Variants in PDC observed in about 807,000 individuals in gnomAD.
The protein encoded by PDC is phosducin.
PDC carries 19 observed loss-of-function variants against 22.2 expected under a neutral mutation model. The ratio of observed to expected loss-of-function variants is 0.86; its 90% confidence interval spans 0.60 to 1.26. The LOEUF (loss-of-function observed/expected upper bound fraction) is 1.26, where lower values mean the gene tolerates loss of function less well. Among genes scored for constraint, PDC ranks in the 50% most tolerant of loss-of-function variants. The probability of loss-of-function intolerance (pLI) is 0.00; values close to 1 mark genes in which losing one functional copy is unlikely to be tolerated. For missense variants in PDC, 274 were observed against 286.8 expected, an observed-to-expected ratio of 0.96 and a Z score of 0.32; for synonymous variants, 97 against 96.2, an observed-to-expected ratio of 1.01 and a Z score of -0.05.
chr1:186,444,229 A>C lies in PDC; in HGVS notation c.491T>G (p.Ile164Arg), dbSNP rs143253023. ...AGCTTTTATTTTACAAAACTTAACT[A>C]TAGGGTATTCTGCTGCAAGGCATGT... ...SLTCLAAEYPIVKFCKIKASN... is the reference protein window; with the variant it reads ...SLTCLAAEYPRVKFCKIKASN... Residue 164 changes from isoleucine (I) to arginine (R), a missense_variant, in exon 4 of 4, where the codon ATA becomes AGA. Physicochemically the swap from Ile to Arg is moderately conservative, Grantham distance 97. Coordinates refer to ENST00000391997, the MANE Select transcript of PDC (RefSeq NM_002597.5). 3 of 1,613,966 alleles carry C rather than the reference A, an allele frequency of 1.9e-6. No individual in the cohort carries two copies. Among genetic ancestry groups the C allele is most frequent in the Admixed American group, 1.7e-5 (1 of 59,990 alleles).
chr1:186,456,622 T>A (rs1344690257), intron 1 of PDC, among the ~76,000 whole-genome samples: 1 of 152,192 alleles, frequency 6.6e-6, no homozygotes, highest in African/African-American at 2.4e-5. Context: ...AGTAAGATTG[T>A]TTTTTGTTTT....
intron 1 of PDC, among the ~76,000 whole-genome samples, chr1:186,452,709 G>A (rs916239545): frequency 6.6e-6 from 1 of 152,090 alleles, no homozygotes; most frequent in Non-Finnish European, 1.5e-5. Flanking sequence ...TTATTTCATG[G>A]TTAAAAGATT....
Position 186,449,474 on chromosome 1 carries a change from T to A in PDC, c.-15A>T. 6.5e-7 allele frequency: 1 copy of A among 1,546,570 alleles called. No individual in the cohort carries two copies. Among genetic ancestry groups the A allele is most frequent in the Non-Finnish European group, 8.9e-7 (1 of 1,122,076 alleles). On this transcript the variant is annotated 5_prime_UTR_variant, in exon 2 of 4. Coordinates refer to ENST00000391997, the MANE Select transcript of PDC (RefSeq NM_002597.5). ...GCTTCTTCCATTTTAGGGACTGGATTTGATATAATCTATAGGAGGAACAAA... is the reference window on the plus strand; with the variant it reads ...GCTTCTTCCATTTTAGGGACTGGATATGATATAATCTATAGGAGGAACAAA...
rs1471697793 is a variant in PDC at position 186,444,241 on chromosome 1, G to C, written c.479C>G (p.Ala160Gly). 1 of 1,614,056 alleles carries C rather than the reference G, an allele frequency of 6.2e-7. No individual in the cohort carries two copies. The highest frequency in any genetic ancestry group is 1.3e-5 in the African/African-American group (1 of 75,044). Reference protein sequence around the residue: ...ALNSSLTCLAAEYPIVKFCKI... With the variant: ...ALNSSLTCLAGEYPIVKFCKI... ...ACAAAACTTAACTATAGGGTATTCTGCTGCAAGGCATGTTAAACTACTGTT... is the reference window on the plus strand; with the variant it reads ...ACAAAACTTAACTATAGGGTATTCTCCTGCAAGGCATGTTAAACTACTGTT... Residue 160 changes from alanine to glycine, a missense_variant, in exon 4 of 4, where the codon GCA becomes GGA. Coordinates refer to ENST00000391997, the MANE Select transcript of PDC (RefSeq NM_002597.5).
intron 1 of PDC, among the ~76,000 whole-genome samples, chr1:186,458,226 C>CTTTTTTTTTTTT (rs1157926478): frequency 5.7e-5 from 5 of 88,394 alleles, no homozygotes; most frequent in African/African-American, 2.3e-4. Flanking sequence ...TACAGATATT[C>CTTTTTTTTTTTT]TTTTTTTTTT....
chr1:186,455,421 CT>C (rs1026041151), intron 1 of PDC, among the ~76,000 whole-genome samples: 1 of 152,156 alleles, frequency 6.6e-6, no homozygotes, highest in African/African-American at 2.4e-5. Context: ...CTGGTTCTGA[CT>C]TTTGCAAAGA....
At chr1:186,456,047 A>G (rs1390267279) in intron 1 of PDC, among the ~76,000 whole-genome samples, 1 of 139,696 alleles carries the variant, frequency 7.2e-6, no homozygotes, top group Non-Finnish European at 1.5e-5. Flanking sequence ...ATTCCTCTGC[A>G]TGTTAGGCAA....
rs139059376 is a variant in PDC, at chr1:186,454,274, G to C, written c.-24-4791C>G. Among the ~76,000 whole-genome samples the C allele has an allele frequency of 1.2e-4, 17 of 145,176 alleles. No homozygotes were observed. In the East Asian group the frequency reaches 3.5e-3, roughly 30 times the overall value. On this transcript the variant is annotated intron_variant, in intron 1 of 3. Coordinates refer to ENST00000391997, the MANE Select transcript of PDC (RefSeq NM_002597.5). ...TGCTACTTCTGCCTCCCGGGTCCCT[G>C]TTCAAGCAATTCTCCTGCCTCAGCC...
At position 186,443,884 on chromosome 1, in the gene PDC, GC is replaced by G; in HGVS notation, c.*94del. The G allele has an allele frequency of 1.2e-6, 1 of 853,390 alleles. No individual in the cohort carries two copies. The highest frequency in any genetic ancestry group is 2.4e-5 in the East Asian group (1 of 41,166). 52.9% of individuals were successfully genotyped at this position (853,390 alleles called of 1,614,324 possible). ...ATTTTTGTCAAGTTAGCATAGCCGT[GC>G]CCATACTCTGTGTTCACTAAAGCAA... On this transcript the variant is annotated 3_prime_UTR_variant, in exon 4 of 4. Coordinates refer to ENST00000391997, the MANE Select transcript of PDC (RefSeq NM_002597.5).
At chr1:186,459,414 G>C (rs1662534212) in intron 1 of PDC, among the ~76,000 whole-genome samples, 2 of 152,130 alleles carry the variant, frequency 1.3e-5, no homozygotes, top group Admixed American at 1.3e-4. Flanking sequence ...GCCAGCCTTG[G>C]CCTCCCGAGG....
At chr1:186,457,000 C>G (rs1378333177) in intron 1 of PDC, among the ~76,000 whole-genome samples, 1 of 152,126 alleles carries the variant, frequency 6.6e-6, no homozygotes, top group African/African-American at 2.4e-5. Context: ...TGATCTGTGC[C>G]CCACGGAGTG....
At chr1:186,451,665 T>C (rs1315227760) in intron 1 of PDC, 1 of 152,224 alleles carries the variant, frequency 6.6e-6, no homozygotes, top group Non-Finnish European at 1.5e-5. Flanking sequence ...CCTTCTTGAA[T>C]TGCTTGTTGT....
chr1:186,455,467 A>C (rs970245573), intron 1 of PDC, among the ~76,000 whole-genome samples: 1 of 152,184 alleles, frequency 6.6e-6, no homozygotes, highest in African/African-American at 2.4e-5. Context: ...CTATTTCTCT[A>C]TCTCCATAGC....
chr1:186,449,483 T>C lies in PDC; in HGVS notation c.-24A>G, dbSNP rs945872579. On this transcript the variant is annotated splice_region_variant and 5_prime_UTR_variant, in exon 2 of 4. Coordinates refer to ENST00000391997, the MANE Select transcript of PDC (RefSeq NM_002597.5). The stretch of plus-strand genomic sequence containing the variant: ...ATTTTAGGGACTGGATTTGATATAA[T>C]CTATAGGAGGAACAAAGAAATAATA... 4 of 1,446,692 alleles carry C rather than the reference T, an allele frequency of 2.8e-6. No individual in the cohort carries two copies. The highest frequency in any genetic ancestry group is 3.5e-4 in the Middle Eastern group (2 of 5,662). The allele number at this position is 1,446,692 out of a possible 1,614,324, so 89.6% of individuals were successfully genotyped here. A position where few individuals can be genotyped will look rare whatever the true frequency, so the allele number is the denominator to read the frequency against.
chr1:186,444,610 C>A, intron 3 of PDC, 104 bp from the exon 4 acceptor site: 1 of 688,382 alleles, frequency 1.5e-6, no homozygotes, highest in East Asian at 2.7e-5. Context: ...TCTTTTTTTT[C>A]TGCCTGGACC....
intron 1 of PDC, among the ~76,000 whole-genome samples, chr1:186,449,915 C>T (rs569023980): frequency 2.6e-5 from 4 of 152,130 alleles, no homozygotes; most frequent in Admixed American, 2.6e-4. Context: ...GCTATGAACA[C>T]TATGTGTCAG....
chr1:186,454,003 T>C (rs917221671), intron 1 of PDC, among the ~76,000 whole-genome samples: 2 of 152,144 alleles, frequency 1.3e-5, no homozygotes, highest in Non-Finnish European at 2.9e-5. Flanking sequence ...AATTTTTTTG[T>C]ATATGCATTA....
Position 186,449,442 on chromosome 1 carries a change from G to A in PDC, c.18C>T (p.Ser6=), listed in dbSNP as rs1662303754. The A allele has an allele frequency of 6.2e-7, 1 of 1,605,482 alleles. No homozygotes were observed. The highest frequency in any genetic ancestry group is 8.5e-7 in the Non-Finnish European group (1 of 1,173,842). Residue 6 remains serine, a synonymous_variant, in exon 2 of 4, where the codon AGC becomes AGT. Coordinates refer to ENST00000391997, the MANE Select transcript of PDC (RefSeq NM_002597.5). ...CTTCAAAGTCTTCCTCCAAACTTTG[G>A]CTTTTGGCTTCTTCCATTTTAGGGA... MEEAK[S]QSLEEDFEGQ...
chr1:186,455,795 A>T (rs1238294786), intron 1 of PDC, among the ~76,000 whole-genome samples: 3 of 106,184 alleles, frequency 2.8e-5, no homozygotes, highest in Non-Finnish European at 2.0e-5. Context: ...CCCCGTCTCT[A>T]CTAAAAAAAA....
Sources: gnomAD v4.1 joint callset for allele counts (sites outside exome capture counted in the v4.1 genomes callset) on GRCh38, gnomAD v4.1.1 for gene constraint, MANE v1.5 for transcripts, NCBI Gene and HGNC (gene_info 2026-07-23, HGNC 2026-07-21) for gene names.